The following SEMA5A variants were observed in gnomAD, a reference collection of about 807,000 sequenced individuals.
The protein encoded by SEMA5A is semaphorin-5A.
In SEMA5A, 55 loss-of-function variants were observed where a neutral mutation model predicts 135.5. That is an observed-to-expected ratio of 0.41 (90% CI 0.33 to 0.51). The LOEUF is 0.51. SEMA5A is among the 20% of genes least tolerant of loss of function. The probability of loss-of-function intolerance (pLI) is 0.37; values close to 1 mark genes in which losing one functional copy is unlikely to be tolerated. For synonymous variants in SEMA5A, 580 were observed against 546.5 expected (o/e 1.06, Z -0.85); for missense variants, 1,290 against 1,419.9 (o/e 0.91, Z 1.47).
At chr5:9,263,201 C>T (rs1749497042) in intron 5 of SEMA5A, among the ~76,000 whole-genome samples, 1 of 152,052 alleles carries the variant, frequency 6.6e-6, no homozygotes, top group African/African-American at 2.4e-5. Flanking sequence ...ATTCCCATTC[C>T]CCATTCTTTT....
intron 6 of SEMA5A, among the ~76,000 whole-genome samples, chr5:9,235,543 G>A (rs554308106): frequency 3.3e-5 from 5 of 150,278 alleles, no homozygotes; most frequent in South Asian, 2.1e-4. Context: ...ATCTTTAAAC[G>A]CTCACCGTGG....
At chr5:9,101,980 C>T (rs1002420561) in intron 16 of SEMA5A, among the ~76,000 whole-genome samples, 1 of 152,036 alleles carries the variant, frequency 6.6e-6, no homozygotes, top group African/African-American at 2.4e-5. Flanking sequence ...TGACATTGCC[C>T]AAACATAACC....
chr5:9,143,902 A>G (rs115352578), intron 12 of SEMA5A, among the ~76,000 whole-genome samples: 1,604 of 152,352 alleles, frequency 0.011, 31 homozygotes, highest in African/African-American at 0.037. Flanking sequence ...GACAAAGCCA[A>G]GAAAGGCAGC....
At chr5:9,105,908 A>G (rs901064943) in intron 16 of SEMA5A, among the ~76,000 whole-genome samples, 7 of 152,256 alleles carry the variant, frequency 4.6e-5, no homozygotes, top group Non-Finnish European at 8.8e-5. Flanking sequence ...TCATTTTTAA[A>G]TCAACTTCTT....
chr5:9,123,804 A>G (rs536845207), intron 13 of SEMA5A, among the ~76,000 whole-genome samples: 1 of 152,280 alleles, frequency 6.6e-6, no homozygotes, highest in Admixed American at 6.5e-5. Flanking sequence ...TTTTCTGATC[A>G]ACTTCTAAGA....
intron 1 of SEMA5A, among the ~76,000 whole-genome samples, chr5:9,531,556 T>A (rs1737440254): frequency 1.3e-5 from 2 of 152,172 alleles, no homozygotes; most frequent in African/African-American, 4.8e-5. Context: ...CACACCCCAC[T>A]CTTCCTCTCT....
At chr5:9,430,294 T>G (rs796389432) in intron 2 of SEMA5A, among the ~76,000 whole-genome samples, 76 of 152,244 alleles carry the variant, frequency 5.0e-4, no homozygotes, top group African/African-American at 1.4e-3. Flanking sequence ...CATGGTTAAT[T>G]TGAAGACATA....
chr5:9,298,480 AT>A (rs1751449033), intron 5 of SEMA5A, among the ~76,000 whole-genome samples: 2 of 152,242 alleles, frequency 1.3e-5, no homozygotes, highest in African/African-American at 4.8e-5. Flanking sequence ...TTTCTCTGTT[AT>A]AGCAGGTCTA....
At chr5:9,196,831 C>A (rs1292762645) in intron 10 of SEMA5A, among the ~76,000 whole-genome samples, 4 of 152,186 alleles carry the variant, frequency 2.6e-5, no homozygotes, top group Admixed American at 6.5e-5. Context: ...GAATGTCATT[C>A]ATTAGGGATC....
intron 16 of SEMA5A, among the ~76,000 whole-genome samples, chr5:9,102,743 A>G (rs116198238): frequency 2.0e-4 from 30 of 152,362 alleles, no homozygotes; most frequent in Non-Finnish European, 4.3e-4. Context: ...AATATTTACA[A>G]TAAGCAGTGG....
At chr5:9,405,238 A>C (rs1279340865) in intron 2 of SEMA5A, among the ~76,000 whole-genome samples, 1 of 152,200 alleles carries the variant, frequency 6.6e-6, no homozygotes, top group Non-Finnish European at 1.5e-5. Flanking sequence ...TCACAGAAAA[A>C]CAGACTCCCC....
Position 9,041,896 on chromosome 5 carries a change from T to C in SEMA5A, c.*1001A>G, listed in dbSNP as rs1735986833. The C allele has an allele frequency of 6.6e-6, 1 of 152,654 alleles. No individual in the cohort carries two copies. The highest frequency in any genetic ancestry group is 1.9e-4 in the East Asian group (1 of 5,200). 9.5% of individuals were successfully genotyped at this position (152,654 alleles called of 1,614,324 possible). ...ATAAAATGATTATCATTAATATCAG[T>C]TCTTTCAATATTTTCAATAACATAA... is the stretch of plus-strand genomic sequence containing the variant. On this transcript the variant is annotated 3_prime_UTR_variant, in exon 23 of 23. Transcript: ENST00000382496.
At chr5:9,230,542 G>A (rs1747572055) in intron 6 of SEMA5A, among the ~76,000 whole-genome samples, 1 of 152,194 alleles carries the variant, frequency 6.6e-6, no homozygotes, top group Non-Finnish European at 1.5e-5. Flanking sequence ...GAGAATACAT[G>A]AAGACACTGG....
At chr5:9,478,094 G>A (rs1472285780) in intron 1 of SEMA5A, among the ~76,000 whole-genome samples, 1 of 152,200 alleles carries the variant, frequency 6.6e-6, no homozygotes, top group African/African-American at 2.4e-5. Context: ...TGCTTCAGAA[G>A]GTAGCTTCCT....
chr5:9,347,737 C>G (rs1026252830), intron 3 of SEMA5A, among the ~76,000 whole-genome samples: 3 of 152,170 alleles, frequency 2.0e-5, no homozygotes, highest in Non-Finnish European at 1.5e-5. Flanking sequence ...AGGCGGCAGA[C>G]AGGCTTCATG....
chr5:9,528,260 C>T (rs773664612), intron 1 of SEMA5A, among the ~76,000 whole-genome samples: 24 of 152,180 alleles, frequency 1.6e-4, no homozygotes, highest in African/African-American at 5.1e-4. Flanking sequence ...TTTTTAGCAA[C>T]GAACCCTCAA....
intron 5 of SEMA5A, among the ~76,000 whole-genome samples, chr5:9,250,332 C>T (rs995467786): frequency 9.2e-5 from 14 of 152,136 alleles, no homozygotes; most frequent in Non-Finnish European, 2.1e-4. Context: ...GAAACTAATT[C>T]CCACCCATTC....
chr5:9,204,061 G>A lies in SEMA5A; in HGVS notation c.647-1821C>T, dbSNP rs535695320. 6.6e-5 allele frequency among the ~76,000 whole-genome samples: 10 copies of A among 152,092 alleles called. No individual in the cohort carries two copies. Among genetic ancestry groups the A allele is most frequent in the Non-Finnish European group, 8.8e-5 (6 of 68,008 alleles). On this transcript the variant is annotated intron_variant, in intron 8 of 22. Coordinates refer to ENST00000382496, the MANE Select transcript of SEMA5A (RefSeq NM_003966.3). The surrounding 1 kb of genome is among the most constrained non-coding windows in gnomAD (Gnocchi z 6.4). ...AAGCAGGCCCCAAAAGCAAAGATAC[G>A]GAACAATTTCAAAACCATGTGTAAA...
At chr5:9,388,699 A>C (rs930697682) in intron 2 of SEMA5A, among the ~76,000 whole-genome samples, 3 of 152,054 alleles carry the variant, frequency 2.0e-5, no homozygotes, top group Non-Finnish European at 2.9e-5. Flanking sequence ...GAAGATCAAG[A>C]CCATCCTGGC....
Sources: gnomAD v4.1 joint callset for allele counts (sites outside exome capture counted in the v4.1 genomes callset) on GRCh38, gnomAD v4.1.1 for gene constraint, Gnocchi (gnomAD v3.1) non-coding constraint, MANE v1.5 for transcripts, NCBI Gene and HGNC (gene_info 2026-07-23, HGNC 2026-07-21) for gene names.